FSD1L: variants seen among roughly 807,000 people sequenced by gnomAD.
The protein encoded by FSD1L is fibronectin type III and SPRY domain containing 1 like.
FSD1L carries 45 observed loss-of-function variants against 71.6 expected under a neutral mutation model. The observed-to-expected ratio is 0.63, with a 90% CI of 0.49 to 0.81. The LOEUF (loss-of-function observed/expected upper bound fraction) is 0.81, where lower values mean the gene tolerates loss of function less well. Among genes scored for constraint, FSD1L ranks in the 30% least tolerant of loss-of-function variants. The pLI is 0.00. For missense variants in FSD1L, 561 were observed against 618.1 expected (o/e 0.91, Z 0.98); for synonymous variants, 197 against 207.2 (o/e 0.95, Z 0.42).
intron 10 of FSD1L, among the ~76,000 whole-genome samples, chr9:105,533,206 A>G (rs1836009649): frequency 6.6e-6 from 1 of 152,036 alleles, no homozygotes; most frequent in African/African-American, 2.4e-5. Context: ...GTAATTCAAT[A>G]TAATTAAAAT....
chr9:105,454,420 T>A (rs1006346309), intron 1 of FSD1L, among the ~76,000 whole-genome samples: 4 of 152,228 alleles, frequency 2.6e-5, no homozygotes, highest in Non-Finnish European at 4.4e-5. Context: ...TGTAGCCAAG[T>A]CTCTGCTTAC....
chr9:105,463,316 A>G (rs932411772), intron 2 of FSD1L, among the ~76,000 whole-genome samples: 3 of 152,218 alleles, frequency 2.0e-5, no homozygotes, highest in Non-Finnish European at 2.9e-5. Flanking sequence ...AAAAAGTCCT[A>G]TGCTTCTGAG....
intron 7 of FSD1L, among the ~76,000 whole-genome samples, chr9:105,501,140 C>T (rs1833732611): frequency 6.6e-6 from 1 of 152,102 alleles, no homozygotes; most frequent in Non-Finnish European, 1.5e-5. Context: ...GTAACTTAGG[C>T]TTATTTTTGC....
intron 5 of FSD1L, among the ~76,000 whole-genome samples, chr9:105,477,638 A>G (rs183792449): frequency 1.2e-4 from 19 of 152,322 alleles, no homozygotes; most frequent in Admixed American, 9.8e-4. Flanking sequence ...TCAGGTACAG[A>G]GAAGAGTCCT....
At chr9:105,486,701 A>G (rs1370670062) in intron 7 of FSD1L, among the ~76,000 whole-genome samples, 1 of 152,180 alleles carries the variant, frequency 6.6e-6, no homozygotes, top group Non-Finnish European at 1.5e-5. Context: ...GAGCAAAGAA[A>G]AATTTCAGCA....
At chr9:105,491,741 C>T (rs1243674646) in intron 7 of FSD1L, among the ~76,000 whole-genome samples, 1 of 152,094 alleles carries the variant, frequency 6.6e-6, no homozygotes, top group Non-Finnish European at 1.5e-5. Flanking sequence ...GCCTTTTCTG[C>T]ATCTATTGAG....
intron 5 of FSD1L, among the ~76,000 whole-genome samples, chr9:105,477,843 C>T (rs1831911999): frequency 6.6e-6 from 1 of 152,116 alleles, no homozygotes; most frequent in Non-Finnish European, 1.5e-5. Flanking sequence ...TTTTCGGAAA[C>T]ATTAAGAAAC....
At chr9:105,487,559 A>G (rs1392123660) in intron 7 of FSD1L, among the ~76,000 whole-genome samples, 6 of 151,984 alleles carry the variant, frequency 3.9e-5, no homozygotes, top group African/African-American at 1.4e-4. Context: ...CCTATTTATG[A>G]ATTTTGTCAA....
At chr9:105,443,658 A>G (rs1278353189), upstream of FSD1L, among the ~76,000 whole-genome samples, 2 of 152,130 alleles carry the variant, frequency 1.3e-5, no homozygotes, top group South Asian at 4.2e-4. Flanking sequence ...AAGACCGGGC[A>G]TGGTGGCTCA....
intron 13 of FSD1L, among the ~76,000 whole-genome samples, chr9:105,542,972 C>G (rs1287293503): frequency 6.6e-6 from 1 of 151,988 alleles, no homozygotes; most frequent in Non-Finnish European, 1.5e-5. Flanking sequence ...ATGTTTTCTT[C>G]TTGATTTCCC....
chr9:105,523,806 C>A (rs115004725), intron 10 of FSD1L: 1 of 1,599,438 alleles, frequency 6.3e-7, no homozygotes, highest in African/African-American at 1.3e-5. Flanking sequence ...TCATATTGAC[C>A]AGGATATTGT....
In FSD1L at chr9:105,535,048, C is replaced by T; in HGVS notation, c.1127-19C>T. On this transcript the variant is annotated intron_variant, in intron 11 of 13. Coordinates refer to ENST00000481272, the MANE Select transcript of FSD1L (RefSeq NM_001145313.3). ...ATAAGGAAGAGATGAGTCAAATCTA[C>T]CTTTCTGATCTTTTGTAGGAGACAC... 4 of 1,551,110 alleles carry T rather than the reference C, an allele frequency of 2.6e-6. No individual in the cohort carries two copies. The highest frequency in any genetic ancestry group is 2.6e-6 in the Non-Finnish European group (3 of 1,146,720).
At chr9:105,524,506 G>A (rs1835382598) in intron 10 of FSD1L, 15 of 1,613,826 alleles carry the variant, frequency 9.3e-6, no homozygotes, top group Non-Finnish European at 1.1e-5. Flanking sequence ...GGAGCAGAAA[G>A]CGATAAAACA....
At chr9:105,545,152 A>G (rs1314329110) in intron 13 of FSD1L, among the ~76,000 whole-genome samples, 2 of 151,498 alleles carry the variant, frequency 1.3e-5, no homozygotes, top group African/African-American at 4.9e-5. Context: ...CATCCCGTGT[A>G]AGTTGGATTC....
At chr9:105,540,830 A>G (rs1404397238) in intron 13 of FSD1L, among the ~76,000 whole-genome samples, 3 of 152,174 alleles carry the variant, frequency 2.0e-5, no homozygotes, top group Non-Finnish European at 2.9e-5. Flanking sequence ...AAAATAAAAC[A>G]TGGTTTTGAA....
chr9:105,489,058 G>T (rs1178699866), intron 7 of FSD1L, among the ~76,000 whole-genome samples: 3 of 151,986 alleles, frequency 2.0e-5, no homozygotes, highest in African/African-American at 7.2e-5. Flanking sequence ...AAAGCATTAA[G>T]ATTAAGATGA....
In FSD1L at chr9:105,539,367, A is replaced by G. The variant is rs1836462618; in HGVS notation, c.1467+16A>G. 2 of 1,137,412 alleles carry G rather than the reference A, an allele frequency of 1.8e-6. No individual in the cohort carries two copies. Among genetic ancestry groups the G allele is most frequent in the East Asian group, 2.6e-5 (1 of 38,082 alleles). 70.5% of individuals were successfully genotyped at this position (1,137,412 alleles called of 1,614,324 possible). On this transcript the variant is annotated intron_variant, in intron 13 of 13. Transcript: ENST00000481272. ...TGGTTTCATGGTTAGTATGTTTTAT[A>G]TCTTATATATACCTAACATATTTTA...
chr9:105,486,373 T>C (rs913333031), intron 7 of FSD1L, among the ~76,000 whole-genome samples: 2 of 152,200 alleles, frequency 1.3e-5, no homozygotes, highest in Non-Finnish European at 2.9e-5. Flanking sequence ...TAGAATTTCA[T>C]TGGTAAGAAG....
At chr9:105,521,779 A>C (rs1277948552) in intron 10 of FSD1L, 1 of 1,612,852 alleles carries the variant, frequency 6.2e-7, no homozygotes, top group Non-Finnish European at 8.5e-7. Flanking sequence ...GGTGCTCTTC[A>C]TAACACCTCT....
Sources: gnomAD v4.1 joint callset for allele counts (sites outside exome capture counted in the v4.1 genomes callset) on GRCh38, gnomAD v4.1.1 for gene constraint, MANE v1.5 for transcripts, NCBI Gene and HGNC (gene_info 2026-07-23, HGNC 2026-07-21) for gene names.